LRRC7: variants seen among roughly 807,000 people sequenced by gnomAD.
LRRC7 encodes the protein leucine rich repeat containing 7, also known as leucine-rich repeat-containing protein 7.
A neutral mutation model predicts 175.7 loss-of-function variants in LRRC7; 23 were observed. That is an observed-to-expected ratio of 0.13 (90% CI 0.09 to 0.19). The LOEUF (loss-of-function observed/expected upper bound fraction) is 0.19, where lower values mean the gene tolerates loss of function less well. Ranked by LOEUF, LRRC7 falls within the 10% of genes least tolerant of loss-of-function variation. LRRC7 has a pLI of 1.00. For missense variants in LRRC7, 1,354 were observed against 1,904.7 expected (o/e 0.71, Z 5.38); for synonymous variants, 685 against 680.9 (o/e 1.01, Z -0.09).
intron 11 of LRRC7, 32 bp downstream of exon 11, chr1:69,994,665 C>T: frequency 6.8e-7 from 1 of 1,473,062 alleles, no homozygotes; most frequent in Non-Finnish European, 9.5e-7. Context: ...CAGTCTGCCT[C>T]TCAAAAGCCA....
rs980680984 is a variant in LRRC7, at chr1:69,693,615, C to T, written c.100+15137C>T. On this transcript the variant is annotated intron_variant, in intron 2 of 26. Transcript: ENST00000651989. ...ACATTATGCAGGGCAATCTATTTTA[C>T]TCTAAATCCAATTTAAATGTTAATC... Among the ~76,000 whole-genome samples, 3 of 54,582 alleles carry T rather than the reference C, an allele frequency of 5.5e-5. No homozygotes were observed. In the African/African-American group the frequency reaches 7.7e-4, roughly 14 times the overall value. 35.8% of individuals were successfully genotyped at this position (54,582 alleles called of 152,430 possible).
intron 3 of LRRC7, among the ~76,000 whole-genome samples, chr1:69,779,666 T>C (rs948013491): frequency 3.3e-5 from 5 of 152,206 alleles, no homozygotes; most frequent in African/African-American, 1.2e-4. Flanking sequence ...AACTGTTGTT[T>C]AAAAGATCTG....
At chr1:69,883,616 T>G (rs80258845) in intron 7 of LRRC7, among the ~76,000 whole-genome samples, 1,003 of 76,792 alleles carry the variant, frequency 0.013, 23 homozygotes, top group East Asian at 0.04. Flanking sequence ...CTCTTTAGTT[T>G]AATTAGATCC....
intron 7 of LRRC7, among the ~76,000 whole-genome samples, chr1:69,925,863 T>TG (rs1439802601): frequency 1.4e-5 from 2 of 142,496 alleles, no homozygotes; most frequent in African/African-American, 5.0e-5. Flanking sequence ...TGTTTGCTCT[T>TG]GCTTTTCTAG....
At chr1:69,994,349 C>G (rs1012061093) in intron 10 of LRRC7, among the ~76,000 whole-genome samples, 5 of 152,060 alleles carry the variant, frequency 3.3e-5, no homozygotes, top group African/African-American at 1.2e-4. Flanking sequence ...CATTTATATT[C>G]TTGAACTGTC....
At chr1:69,800,745 A>T (rs72675066) in intron 4 of LRRC7, among the ~76,000 whole-genome samples, 2,062 of 151,986 alleles carry the variant, frequency 0.014, 29 homozygotes, top group Non-Finnish European at 0.019. Context: ...CTCTTGGTTG[A>T]ATACTCTGGC....
chr1:69,923,813 C>A (rs1291977564), intron 7 of LRRC7, among the ~76,000 whole-genome samples: 3 of 151,966 alleles, frequency 2.0e-5, no homozygotes, highest in Non-Finnish European at 4.4e-5. Context: ...TTAATTATAT[C>A]CCATTTGTCA....
chr1:69,888,471 T>C (rs1373899544), intron 7 of LRRC7, among the ~76,000 whole-genome samples: 4 of 152,150 alleles, frequency 2.6e-5, no homozygotes, highest in South Asian at 2.1e-4. Context: ...CGCCCTGCTT[T>C]GGCTCGCGCA....
At chr1:69,819,432 G>C (rs1678974853) in intron 4 of LRRC7, among the ~76,000 whole-genome samples, 2 of 151,878 alleles carry the variant, frequency 1.3e-5, no homozygotes, top group African/African-American at 2.4e-5. Flanking sequence ...AAAGATACTT[G>C]ATATTATTTC....
chr1:69,965,637 T>G (rs1005031152), intron 8 of LRRC7, among the ~76,000 whole-genome samples: 1 of 152,108 alleles, frequency 6.6e-6, no homozygotes, highest in South Asian at 2.1e-4. Flanking sequence ...TAAAAATTTA[T>G]GAACATTTTA....
chr1:69,670,202 T>C (rs556985800), intron 1 of LRRC7, among the ~76,000 whole-genome samples: 15 of 152,138 alleles, frequency 9.9e-5, no homozygotes, highest in Admixed American at 2.6e-4. Flanking sequence ...AAGTCTGGGC[T>C]TGTTTGTGCC....
Position 69,765,746 on chromosome 1 carries a change from C to T in LRRC7, c.303+5353C>T, listed in dbSNP as rs371221431. 9.9e-5 allele frequency among the ~76,000 whole-genome samples: 15 copies of T among 152,150 alleles called. No homozygotes were observed. In the East Asian group the frequency reaches 2.1e-3, roughly 22 times the overall value. ...TTAATCCTTCAAATATTTTTAAAAACTCAGGTACTTGCTTAAGGGTTCTCC... is the reference window on the plus strand; with the variant it reads ...TTAATCCTTCAAATATTTTTAAAAATTCAGGTACTTGCTTAAGGGTTCTCC... On this transcript the variant is annotated intron_variant, in intron 3 of 26. Transcript: ENST00000651989.
At position 70,078,824 on chromosome 1, in the gene LRRC7, GCA is replaced by G. The variant is rs769239262; in HGVS notation, c.4452+2554_4452+2555del. On this transcript the variant is annotated intron_variant, in intron 24 of 26. Transcript: ENST00000651989. ...CGCGCGCGCGCGCACACACACACAC[GCA>G]CACACACACACACACACACACACAC... Among the ~76,000 whole-genome samples the G allele has an allele frequency of 3.7e-3, 488 of 130,856 alleles. 2 individuals carry two copies. The highest frequency in any genetic ancestry group is 5.7e-3 in the Non-Finnish European group (352 of 61,760). 85.8% of individuals were successfully genotyped at this position (130,856 alleles called of 152,430 possible).
At chr1:69,884,978 G>T (rs1295278517) in intron 7 of LRRC7, among the ~76,000 whole-genome samples, 8 of 150,054 alleles carry the variant, frequency 5.3e-5, no homozygotes, top group South Asian at 2.1e-4. Context: ...ACTTGATCAT[G>T]GTGGGTAAGC....
intron 25 of LRRC7, among the ~76,000 whole-genome samples, chr1:70,092,744 G>C (rs1219663343): frequency 1.3e-5 from 2 of 152,092 alleles, no homozygotes; most frequent in African/African-American, 2.4e-5. Context: ...TCTACGTTCT[G>C]GGGTAATGTG....
At chr1:69,856,712 G>C (rs943853819) in intron 7 of LRRC7, among the ~76,000 whole-genome samples, 2 of 152,146 alleles carry the variant, frequency 1.3e-5, no homozygotes, top group Admixed American at 1.3e-4. Context: ...CATTCCTTCT[G>C]AAACTATTCC....
At chr1:69,625,120 AAGG>A (rs1651272181) in intron 1 of LRRC7, among the ~76,000 whole-genome samples, 1 of 151,970 alleles carries the variant, frequency 6.6e-6, no homozygotes, top group Non-Finnish European at 1.5e-5. Context: ...CCGTCTGAGC[AAGG>A]AGTTTTCTTT....
intron 23 of LRRC7, among the ~76,000 whole-genome samples, chr1:70,075,215 C>T (rs537160471): frequency 6.6e-6 from 1 of 152,300 alleles, no homozygotes; most frequent in South Asian, 2.1e-4. Flanking sequence ...TTTAGAAAGG[C>T]ATATTCTGGC....
intron 2 of LRRC7, among the ~76,000 whole-genome samples, chr1:69,686,425 T>C (rs1469019955): frequency 6.6e-6 from 1 of 152,192 alleles, no homozygotes; most frequent in East Asian, 1.9e-4. Context: ...TGCACATGTA[T>C]GTAGATGAAA....
Sources: allele counts gnomAD v4.1 joint callset (sites outside exome capture counted in the v4.1 genomes callset), GRCh38; gene constraint gnomAD v4.1.1; transcripts MANE v1.5; gene names NCBI Gene and HGNC (gene_info 2026-07-23, HGNC 2026-07-21).